The following MAP3K5 variants were observed in gnomAD, a reference collection of about 807,000 sequenced individuals.
MAP3K5 encodes the protein ASK-1.
In MAP3K5, 56 loss-of-function variants were observed where a neutral mutation model predicts 158.7. The ratio of observed to expected loss-of-function variants is 0.35; its 90% CI spans 0.28 to 0.44. The LOEUF is 0.44. MAP3K5 is among the 20% of genes least tolerant of loss of function. The pLI, the probability that MAP3K5 is intolerant of heterozygous loss-of-function variation, is 1.00. For missense variants in MAP3K5, 1,294 were observed against 1,674.8 expected (o/e 0.77, Z 3.97); for synonymous variants, 579 against 601.7 (o/e 0.96, Z 0.55).
intron 10 of MAP3K5, among the ~76,000 whole-genome samples, chr6:136,652,922 G>C (rs928601199): frequency 6.6e-6 from 1 of 152,214 alleles, no homozygotes; most frequent in African/African-American, 2.4e-5. Flanking sequence ...CCAGGGAATG[G>C]AGGCAATTTG....
At chr6:136,677,683 A>G (rs1478912913) in intron 7 of MAP3K5, among the ~76,000 whole-genome samples, 8 of 152,202 alleles carry the variant, frequency 5.3e-5, no homozygotes, top group Non-Finnish European at 1.5e-5. Flanking sequence ...AATTGCTCTC[A>G]AAGCTTCTGC....
chr6:136,670,251 T>C (rs1331536136), intron 7 of MAP3K5, among the ~76,000 whole-genome samples: 2 of 152,076 alleles, frequency 1.3e-5, no homozygotes, highest in Non-Finnish European at 2.9e-5. Flanking sequence ...AAGGTAATAC[T>C]TCCTAGGATA....
rs985504882 is a variant in MAP3K5, at chr6:136,647,646, T to C, written c.1788+3338A>G. 2.6e-5 allele frequency: 4 copies of C among 152,268 alleles called. 1 individual carries two copies. Among genetic ancestry groups the C allele is most frequent in the African/African-American group, 4.8e-5 (2 of 41,450 alleles). The allele number at this position is 152,268 out of a possible 1,614,324, so 9.4% of individuals were successfully genotyped here. On this transcript the variant is annotated intron_variant, in intron 11 of 29. Coordinates refer to ENST00000359015, the MANE Select transcript of MAP3K5 (RefSeq NM_005923.4). ...ACCTCCCTCAACACGTTTCCCCTTG[T>C]AGAATGAGTCAGACTCTGCCGGCCC...
chr6:136,558,292 C>T (rs568236404), intron 29 of MAP3K5, among the ~76,000 whole-genome samples: 93 of 151,556 alleles, frequency 6.1e-4, no homozygotes, highest in African/African-American at 2.0e-3. Flanking sequence ...GGCAGGAGAA[C>T]GGCGTGAACC....
At chr6:136,645,120 C>T (rs981610773) in intron 11 of MAP3K5, among the ~76,000 whole-genome samples, 5 of 151,890 alleles carry the variant, frequency 3.3e-5, no homozygotes, top group African/African-American at 4.8e-5. Flanking sequence ...TTTGTAGAGA[C>T]GGGGGTCTTG....
chr6:136,623,160 G>A (rs1776885704), intron 14 of MAP3K5, among the ~76,000 whole-genome samples, 179 bp from the exon 15 acceptor site: 1 of 152,178 alleles, frequency 6.6e-6, no homozygotes, highest in South Asian at 2.1e-4. Flanking sequence ...AGCAGATACT[G>A]TGTTTATGTT....
At chr6:136,734,460 G>A (rs532896150) in intron 1 of MAP3K5, among the ~76,000 whole-genome samples, 7 of 150,114 alleles carry the variant, frequency 4.7e-5, no homozygotes, top group African/African-American at 9.8e-5. Context: ...TGGGATAGGA[G>A]GCTAGTTTGT....
chr6:136,776,866 G>A (rs1190303607), intron 1 of MAP3K5, among the ~76,000 whole-genome samples: 1 of 152,116 alleles, frequency 6.6e-6, no homozygotes, highest in Non-Finnish European at 1.5e-5. Flanking sequence ...TACAGACAAC[G>A]CAGATCTGCA....
intron 25 of MAP3K5, among the ~76,000 whole-genome samples, chr6:136,574,402 T>G (rs1183097679): frequency 2.6e-5 from 4 of 152,218 alleles, no homozygotes; most frequent in Non-Finnish European, 2.9e-5. Flanking sequence ...CTAGTGGTAA[T>G]ATCAAGTGCT....
chr6:136,601,709 TA>T, intron 20 of MAP3K5, 92 bp downstream of exon 20: 1 of 1,116,500 alleles, frequency 9.0e-7, no homozygotes, highest in Admixed American at 2.3e-5. Flanking sequence ...GTGATATCTG[TA>T]AACAGGTTAG....
chr6:136,563,856 TAAC>T (rs1830622731), intron 26 of MAP3K5, among the ~76,000 whole-genome samples: 1 of 152,252 alleles, frequency 6.6e-6, no homozygotes, highest in Non-Finnish European at 1.5e-5. Context: ...CTACAGCTCT[TAAC>T]AAACTCTATT....
chr6:136,666,596 C>A (rs1422713875), intron 8 of MAP3K5, among the ~76,000 whole-genome samples: 3 of 152,116 alleles, frequency 2.0e-5, no homozygotes, highest in Non-Finnish European at 4.4e-5. Context: ...TTATTATATA[C>A]TATCAATTAA....
intron 7 of MAP3K5, among the ~76,000 whole-genome samples, chr6:136,686,580 G>C (rs1780158822): frequency 6.6e-6 from 1 of 152,024 alleles, no homozygotes. Flanking sequence ...CAAAGTCTCA[G>C]GATACAAAAT....
At chr6:136,559,748 A>C (rs1352729381) in intron 28 of MAP3K5, among the ~76,000 whole-genome samples, 1 of 152,172 alleles carries the variant, frequency 6.6e-6, no homozygotes, top group East Asian at 1.9e-4. Flanking sequence ...TGACCAGCCT[A>C]ATCTCCAACA....
intron 9 of MAP3K5, among the ~76,000 whole-genome samples, chr6:136,657,284 A>T (rs1778794033): frequency 6.6e-6 from 1 of 152,220 alleles, no homozygotes; most frequent in African/African-American, 2.4e-5. Context: ...ATTATAGGTG[A>T]TAATGGCTAT....
intron 1 of MAP3K5, among the ~76,000 whole-genome samples, chr6:136,759,314 G>C (rs1462791895): frequency 2.0e-5 from 3 of 151,786 alleles, no homozygotes; most frequent in East Asian, 3.9e-4. Flanking sequence ...ACAAGAAGTT[G>C]ATTCATGAAT....
chr6:136,589,369 C>G (rs1362588276), intron 23 of MAP3K5, among the ~76,000 whole-genome samples: 3 of 152,120 alleles, frequency 2.0e-5, no homozygotes, highest in Non-Finnish European at 4.4e-5. Context: ...ACCCATTGAA[C>G]TAAAAGAGGA....
intron 1 of MAP3K5, among the ~76,000 whole-genome samples, chr6:136,732,150 C>T (rs181202685): frequency 2.6e-5 from 4 of 152,116 alleles, no homozygotes; most frequent in Admixed American, 6.5e-5. Context: ...AAGTACCAGG[C>T]GCAGTGGCTC....
At chr6:136,642,318 T>C (rs1275157154) in intron 12 of MAP3K5, among the ~76,000 whole-genome samples, 2 of 152,164 alleles carry the variant, frequency 1.3e-5, no homozygotes, top group Non-Finnish European at 2.9e-5. Context: ...GAGCACAGAA[T>C]CAGTTCAACC....
Sources: gnomAD v4.1 joint callset for allele counts (sites outside exome capture counted in the v4.1 genomes callset) on GRCh38, gnomAD v4.1.1 for gene constraint, MANE v1.5 for transcripts, NCBI Gene and HGNC (gene_info 2026-07-23, HGNC 2026-07-21) for gene names.